The following EPHB1 variants were observed in gnomAD, a reference collection of about 807,000 sequenced individuals.
EPHB1 encodes the protein EPH receptor B1, also known as ephrin type-B receptor 1.
A neutral mutation model predicts 94.4 loss-of-function variants in EPHB1; 30 were observed. The ratio of observed to expected loss-of-function variants is 0.32; its 90% CI spans 0.24 to 0.43. The LOEUF is 0.43. Ranked by LOEUF, EPHB1 falls within the 20% of genes least tolerant of loss-of-function variation. EPHB1 has a pLI of 1.00. For synonymous variants in EPHB1, 522 were observed against 489.1 expected, an observed-to-expected ratio of 1.07 and a Z score of -0.89; for missense variants, 1,055 against 1,308.3, an observed-to-expected ratio of 0.81 and a Z score of 2.99.
intron 3 of EPHB1, among the ~76,000 whole-genome samples, chr3:134,969,794 A>C (rs1478249605): frequency 6.6e-6 from 1 of 152,104 alleles, no homozygotes; most frequent in Non-Finnish European, 1.5e-5. Context: ...GCTGGAAAAA[A>C]TCTGCTCATT....
intron 1 of EPHB1, among the ~76,000 whole-genome samples, chr3:134,837,400 C>T (rs2036691913): frequency 6.6e-6 from 1 of 152,204 alleles, no homozygotes; most frequent in East Asian, 1.9e-4. Context: ...TCAAAGAATC[C>T]TTGATTGTCA....
At chr3:135,224,217 G>A (rs980060354) in intron 12 of EPHB1, among the ~76,000 whole-genome samples, 47 of 152,288 alleles carry the variant, frequency 3.1e-4, no homozygotes, top group Admixed American at 4.6e-4. Flanking sequence ...CTAACAACAT[G>A]TTTCTCAGAA....
At chr3:134,822,093 A>C (rs755587211) in intron 1 of EPHB1, among the ~76,000 whole-genome samples, 6 of 152,206 alleles carry the variant, frequency 3.9e-5, no homozygotes, top group Non-Finnish European at 8.8e-5. Flanking sequence ...TCTCTGCTTC[A>C]TATCTAATGC....
At chr3:134,850,188 C>G (rs549998228) in intron 1 of EPHB1, among the ~76,000 whole-genome samples, 2 of 152,330 alleles carry the variant, frequency 1.3e-5, no homozygotes, top group Non-Finnish European at 2.9e-5. Flanking sequence ...TGCTACATTC[C>G]TTTCTTAAAA....
intron 1 of EPHB1, among the ~76,000 whole-genome samples, chr3:134,845,081 G>A (rs1189903546): frequency 6.6e-6 from 1 of 152,228 alleles, no homozygotes; most frequent in Non-Finnish European, 1.5e-5. Flanking sequence ...GACTGACAGA[G>A]AGTGCTCTAC....
At chr3:135,172,623 A>G (rs1208375819) in intron 9 of EPHB1, among the ~76,000 whole-genome samples, 1 of 152,212 alleles carries the variant, frequency 6.6e-6, no homozygotes, top group Non-Finnish European at 1.5e-5. Context: ...CACCTCAGGA[A>G]CCAAAGTGCA....
rs570339946 is a variant in EPHB1 at position 134,825,537 on chromosome 3, G to A, written c.58+29848G>A. Among the ~76,000 whole-genome samples, 7 of 152,312 alleles carry A rather than the reference G, an allele frequency of 4.6e-5. No individual in the cohort carries two copies. In the South Asian group the frequency reaches 1.2e-3, roughly 27 times the overall value. On this transcript the variant is annotated intron_variant, in intron 1 of 15. Transcript: ENST00000398015. ...GACCCTCTTTGGGTACCATTTTTCT[G>A]TGAGCTGTGAATTCACCAGTTTGTA...
chr3:134,878,856 G>A (rs2037668548), intron 1 of EPHB1, among the ~76,000 whole-genome samples: 1 of 152,156 alleles, frequency 6.6e-6, no homozygotes, highest in African/African-American at 2.4e-5. Context: ...TTGGACATAT[G>A]CAATGAATAG....
Position 134,801,259 on chromosome 3 carries a change from A to G in EPHB1, c.58+5570A>G, listed in dbSNP as rs578107678. Among the ~76,000 whole-genome samples the G allele has an allele frequency of 2.0e-5, 3 of 152,300 alleles. No individual in the cohort carries two copies. In the East Asian group the frequency reaches 5.8e-4, roughly 29 times the overall value. ...ACCCCTATTGCAGCCCTATACACTCATAGACACAGGGCTGGAGACCTGTCC... is the reference window on the plus strand; with the variant it reads ...ACCCCTATTGCAGCCCTATACACTCGTAGACACAGGGCTGGAGACCTGTCC... On this transcript the variant is annotated intron_variant, in intron 1 of 15. Coordinates refer to ENST00000398015, the MANE Select transcript of EPHB1 (RefSeq NM_004441.5).
chr3:135,111,611 G>A (rs1939446709), intron 4 of EPHB1, among the ~76,000 whole-genome samples: 1 of 152,118 alleles, frequency 6.6e-6, no homozygotes, highest in Non-Finnish European at 1.5e-5. Flanking sequence ...GTTTATTTGA[G>A]TGGTTCAAGG....
chr3:135,004,475 C>T (rs1935312500), intron 3 of EPHB1, among the ~76,000 whole-genome samples: 1 of 152,108 alleles, frequency 6.6e-6, no homozygotes, highest in Non-Finnish European at 1.5e-5. Flanking sequence ...TTGTGGCGTT[C>T]TCTGTATTTC....
intron 3 of EPHB1, among the ~76,000 whole-genome samples, chr3:135,047,666 C>T (rs1237443305): frequency 6.6e-6 from 1 of 152,180 alleles, no homozygotes; most frequent in African/African-American, 2.4e-5. Flanking sequence ...TTCATTCACT[C>T]ATTCATTTCT....
intron 3 of EPHB1, among the ~76,000 whole-genome samples, chr3:135,066,214 CT>C (rs1937578718): frequency 6.6e-6 from 1 of 152,206 alleles, no homozygotes; most frequent in African/African-American, 2.4e-5. Flanking sequence ...CCCAGGTGTT[CT>C]TTGAGCTGCT....
chr3:135,223,059 A>G (rs542369180), intron 12 of EPHB1, among the ~76,000 whole-genome samples: 28 of 152,372 alleles, frequency 1.8e-4, no homozygotes, highest in Admixed American at 1.7e-3. Context: ...ACATTCAGAA[A>G]TCATGTACTA....
rs533427748 is a variant in EPHB1 at position 134,919,272 on chromosome 3, T to C, written c.59-6544T>C. ...TTGGTGTGAAGAAGAAGAGAATTGC[T>C]GGAGGGAGAAGATTTAGATGGGGGA... On this transcript the variant is annotated intron_variant, in intron 1 of 15. Transcript: ENST00000398015. Among the ~76,000 whole-genome samples, 4 of 152,286 alleles carry C rather than the reference T, an allele frequency of 2.6e-5. No individual in the cohort carries two copies. The South Asian group carries it at 8.3e-4, about 32-fold the overall frequency.
chr3:134,950,619 G>A (rs889693761), intron 2 of EPHB1, among the ~76,000 whole-genome samples: 3 of 152,186 alleles, frequency 2.0e-5, no homozygotes, highest in African/African-American at 7.2e-5. Flanking sequence ...GAGCAAGAGA[G>A]AGAGAAGGGG....
chr3:135,151,132 C>T (rs1941180451), intron 5 of EPHB1, among the ~76,000 whole-genome samples: 1 of 152,228 alleles, frequency 6.6e-6, no homozygotes, highest in Non-Finnish European at 1.5e-5. Context: ...CTGTGATTGG[C>T]TTCCTGCTTT....
rs558480910 is a variant in EPHB1 at position 134,916,755 on chromosome 3, C to T, written c.59-9061C>T. Reference sequence around the variant, plus strand: ...CCCGTGCCTCTCCCTCCACACCTCCCGGCAAGCCAAGGGATCCGGCTCCGG... The same window carrying T: ...CCCGTGCCTCTCCCTCCACACCTCCTGGCAAGCCAAGGGATCCGGCTCCGG... On this transcript the variant is annotated intron_variant, in intron 1 of 15. Coordinates refer to ENST00000398015, the MANE Select transcript of EPHB1 (RefSeq NM_004441.5). Among the ~76,000 whole-genome samples the T allele has an allele frequency of 7.1e-5, 9 of 126,300 alleles. No homozygotes were observed. In the South Asian group the frequency reaches 1.5e-3, roughly 20 times the overall value. The allele number at this position is 126,300 out of a possible 152,430, so 82.9% of individuals were successfully genotyped here. A position where few individuals can be genotyped will look rare whatever the true frequency, so the allele number is the denominator to read the frequency against.
chr3:134,932,110 T>C (rs1024176091), intron 2 of EPHB1, among the ~76,000 whole-genome samples: 7 of 152,218 alleles, frequency 4.6e-5, no homozygotes, highest in African/African-American at 1.7e-4. Flanking sequence ...TCTAGAGTTC[T>C]GGAAACACTT....
Sources: allele counts gnomAD v4.1 joint callset (sites outside exome capture counted in the v4.1 genomes callset), GRCh38; gene constraint gnomAD v4.1.1; transcripts MANE v1.5; gene names NCBI Gene and HGNC (gene_info 2026-07-23, HGNC 2026-07-21).